Variants in KIAA0586 observed in about 807,000 individuals in gnomAD.
The protein encoded by KIAA0586 is KIAA0586.
Under a neutral mutation model 169.8 loss-of-function variants are expected in KIAA0586, and 144 were observed. The observed-to-expected ratio is 0.85, with a 90% CI of 0.74 to 0.97. KIAA0586 has a LOEUF of 0.97. KIAA0586 is among the 50% of genes least tolerant of loss of function. KIAA0586 has a pLI of 0.00. For missense variants in KIAA0586, 1,854 were observed against 1,823.0 expected (o/e 1.02, Z -0.31); for synonymous variants, 625 against 612.4 (o/e 1.02, Z -0.30).
At chr14:58,536,897 C>A in intron 29 of KIAA0586, 2 of 338,184 alleles carry the variant, frequency 5.9e-6, no homozygotes, top group South Asian at 3.5e-5. Flanking sequence ...GTCAGCATTG[C>A]TCATTCAAAA....
Position 58,467,764 on chromosome 14 carries a change from C to T in KIAA0586, c.2284C>T (p.Pro762Ser), listed in dbSNP as rs1467892068. Reference sequence around the variant, plus strand: ...AACCCAAAGTAATAGTGATACCATGCCACCTGCTGGAGTGATTGTCAGCAA... The same window carrying T: ...AACCCAAAGTAATAGTGATACCATGTCACCTGCTGGAGTGATTGTCAGCAA... ...GQTQSNSDTMPPAGVIVSKPH... is the reference protein window; with the variant it reads ...GQTQSNSDTMSPAGVIVSKPH... The change falls in exon 16 of 31, where the codon CCA becomes TCA. Residue 762 changes from proline (P) to serine (S), a missense_variant. Transcript: ENST00000652326. 1.9e-6 allele frequency: 3 copies of T among 1,612,098 alleles called. No individual in the cohort carries two copies. Among genetic ancestry groups the T allele is most frequent in the Non-Finnish European group, 2.5e-6 (3 of 1,179,104 alleles).
intron 29 of KIAA0586, among the ~76,000 whole-genome samples, chr14:58,537,602 T>G (rs1015805226): frequency 2.0e-5 from 3 of 152,156 alleles, no homozygotes; most frequent in African/African-American, 2.4e-5. Context: ...AGAAACAAAG[T>G]GAGAAGTGAA....
intron 25 of KIAA0586, among the ~76,000 whole-genome samples, chr14:58,491,078 G>T (rs528127182): frequency 6.6e-6 from 1 of 152,106 alleles, no homozygotes; most frequent in Admixed American, 6.6e-5. Flanking sequence ...TGGGAAGAAG[G>T]CATAAATGAG....
chr14:58,461,524 T>C (rs558743433), intron 14 of KIAA0586, among the ~76,000 whole-genome samples: 1 of 152,242 alleles, frequency 6.6e-6, no homozygotes, highest in Non-Finnish European at 1.5e-5. Flanking sequence ...AGCCTCGACC[T>C]ACTGGGCTCA....
At position 58,490,291 on chromosome 14, in the gene KIAA0586, A is replaced by G. The variant is rs2141219310; in HGVS notation, c.3858+51A>G. The G allele has an allele frequency of 3.7e-6, 4 of 1,067,156 alleles. No homozygotes were observed. The South Asian group carries it at 4.8e-5, about 13-fold the overall frequency. The allele number at this position is 1,067,156 out of a possible 1,614,324, so 66.1% of individuals were successfully genotyped here. ...GAATTCTGACAGGAAGAATATCTGT[A>G]TGAATTGGTTGCCACTGATCAGGTT... On this transcript the variant is annotated intron_variant, in intron 25 of 30. Coordinates refer to ENST00000652326, the MANE Select transcript of KIAA0586 (RefSeq NM_001329943.3).
chr14:58,431,549 G>C (rs2037376030), intron 3 of KIAA0586, among the ~76,000 whole-genome samples: 1 of 152,192 alleles, frequency 6.6e-6, no homozygotes, highest in Non-Finnish European at 1.5e-5. Flanking sequence ...TTACAGGCGT[G>C]AGCCACCGTG....
intron 3 of KIAA0586, among the ~76,000 whole-genome samples, chr14:58,431,830 G>A (rs1252927235): frequency 6.6e-6 from 1 of 151,850 alleles, no homozygotes; most frequent in Admixed American, 6.6e-5. Context: ...TTTGTGTGCC[G>A]CTGTTGTAAA....
Position 58,492,241 on chromosome 14 carries a change from C to T in KIAA0586, c.3956C>T (p.Ser1319Leu). The T allele has an allele frequency of 6.4e-7, 1 of 1,550,924 alleles. No homozygotes were observed. Among genetic ancestry groups the T allele is most frequent in the South Asian group, 1.2e-5 (1 of 83,602 alleles). The change falls in exon 26 of 31, where the codon TCA becomes TTA. Residue 1319 changes from serine (S) to leucine (L), a missense_variant. Transcript: ENST00000652326. ...ILSFAKQNQE[S>L]AVSQQAVYHS... ...TCTTTTGCTAAACAAAACCAGGAGT[C>T]AGCAGTTTCCCAGCAAGCAGTCTAT...
intron 29 of KIAA0586, chr14:58,522,097 G>A: frequency 1.5e-6 from 1 of 663,946 alleles, no homozygotes; most frequent in Non-Finnish European, 2.7e-6. Context: ...TTCAGCACAT[G>A]CTCACTGTTC....
At chr14:58,525,548 A>G (rs1207183213) in intron 29 of KIAA0586, among the ~76,000 whole-genome samples, 1 of 152,116 alleles carries the variant, frequency 6.6e-6, no homozygotes, top group Non-Finnish European at 1.5e-5. Context: ...TGCTTTTCCC[A>G]TGGTCTTTGC....
intron 19 of KIAA0586, 134 bp downstream of exon 19, chr14:58,474,931 GTT>G (rs2041492566): frequency 2.9e-6 from 2 of 688,458 alleles, no homozygotes; most frequent in Admixed American, 6.5e-5. Flanking sequence ...ACTGGAAAGT[GTT>G]TGATATAATG....
In KIAA0586 at chr14:58,482,705, A is replaced by G. The variant is rs1031824588; in HGVS notation, c.3137A>G (p.Tyr1046Cys). ...GGGGATGCTTCAACAAATGAAACAT[A>G]TTTGCCGGTATGGGGAATTTTTGAG... ...VSGDASTNET[Y>C]LPARVCTPLP... The change falls in exon 21 of 31, where the codon TAT becomes TGT. Residue 1046 changes from tyrosine (Y) to cysteine (C), a missense_variant. Transcript: ENST00000652326. 4 of 1,556,948 alleles carry G rather than the reference A, an allele frequency of 2.6e-6. No homozygotes were observed. Among genetic ancestry groups the G allele is most frequent in the Admixed American group, 2.0e-5 (1 of 48,914 alleles).
At position 58,535,727 on chromosome 14, in the gene KIAA0586, A is replaced by AGTATAC. The variant is rs2046244118; in HGVS notation, c.4430-4344_4430-4343insGTATAC. ...TTTTTTTTTTTTTTTAGTGAACTCA[A>AGTATAC]ATTAGTATAAAAATGTAGCTATCCT... On this transcript the variant is annotated intron_variant, in intron 29 of 30. Coordinates refer to ENST00000652326, the MANE Select transcript of KIAA0586 (RefSeq NM_001329943.3). Among the ~76,000 whole-genome samples the AGTATAC allele has an allele frequency of 5.3e-5, 8 of 150,324 alleles. No homozygotes were observed. In the South Asian group the frequency reaches 1.5e-3, roughly 28 times the overall value.
intron 1 of KIAA0586, 103 bp from the exon 2 acceptor site, chr14:58,429,260 C>A (rs2037157506): frequency 1.5e-6 from 1 of 646,718 alleles, no homozygotes; most frequent in Non-Finnish European, 2.7e-6. Context: ...TTTCCAACTT[C>A]TGCGTTATAT....
At chr14:58,484,912 A>ATT (rs1384716777) in intron 21 of KIAA0586, among the ~76,000 whole-genome samples, 3 of 14,302 alleles carry the variant, frequency 2.1e-4, no homozygotes, top group Admixed American at 1.3e-3. Flanking sequence ...ATATATATAT[A>ATT]TATATATATA....
intron 6 of KIAA0586, among the ~76,000 whole-genome samples, chr14:58,446,262 G>A (rs942487399): frequency 2.0e-5 from 3 of 151,892 alleles, no homozygotes; most frequent in African/African-American, 7.2e-5. Context: ...TTGGGAGGCC[G>A]AGGTGGGTGG....
At chr14:58,486,920 A>G in intron 21 of KIAA0586, 87 bp from the exon 22 acceptor site, 6 of 1,044,056 alleles carry the variant, frequency 5.7e-6, no homozygotes, top group East Asian at 2.7e-5. Flanking sequence ...TAAATTATAT[A>G]TAGTCTATGA....
chr14:58,555,041 C>T (rs1298122886), downstream of KIAA0586, among the ~76,000 whole-genome samples: 1 of 151,242 alleles, frequency 6.6e-6, no homozygotes, highest in Non-Finnish European at 1.5e-5. Context: ...GTATTGGGAA[C>T]ACAAAGTCTA....
intron 21 of KIAA0586, among the ~76,000 whole-genome samples, chr14:58,484,877 A>ATTATATATATAT (rs1369089024): frequency 8.5e-5 from 4 of 47,298 alleles, no homozygotes; most frequent in Admixed American, 4.1e-4. Context: ...TTTTATATAT[A>ATTATATATATAT]TTATATATAT....
Sources: allele counts gnomAD v4.1 joint callset (sites outside exome capture counted in the v4.1 genomes callset), GRCh38; gene constraint gnomAD v4.1.1; transcripts MANE v1.5; gene names NCBI Gene and HGNC (gene_info 2026-07-23, HGNC 2026-07-21).